STK32A: variants seen among roughly 807,000 people sequenced by gnomAD.
The protein encoded by STK32A is serine/threonine kinase 32A.
In STK32A, 41 loss-of-function variants were observed where a neutral mutation model predicts 53.2. That is an observed-to-expected ratio of 0.77 (90% CI 0.60 to 1.00). The LOEUF (loss-of-function observed/expected upper bound fraction) is 1.00. STK32A is among the 50% of genes least tolerant of loss of function. The pLI is 0.00. For missense variants in STK32A, 458 were observed against 485.8 expected (o/e 0.94, Z 0.54); for synonymous variants, 166 against 162.8 (o/e 1.02, Z -0.15).
chr5:147,275,246 A>T (rs180772705), intron 2 of STK32A, among the ~76,000 whole-genome samples: 8 of 152,100 alleles, frequency 5.3e-5, no homozygotes, highest in South Asian at 2.1e-4. Context: ...TGCATTTTCA[A>T]GTTAGTCTTC....
chr5:147,264,860 T>C (rs1012291855), intron 2 of STK32A, among the ~76,000 whole-genome samples: 7 of 152,138 alleles, frequency 4.6e-5, no homozygotes, highest in Admixed American at 6.6e-5. Flanking sequence ...AAGTAGATCA[T>C]AGGACTGCCA....
intron 1 of STK32A, among the ~76,000 whole-genome samples, chr5:147,236,819 G>A (rs1218672263): frequency 1.3e-5 from 2 of 152,056 alleles, no homozygotes; most frequent in Non-Finnish European, 2.9e-5. Context: ...TTTCTGATTC[G>A]ACAACTTGCA....
In STK32A at chr5:147,272,356, C is replaced by T. The variant is rs1309374232; in HGVS notation, c.53-5768C>T. Among the ~76,000 whole-genome samples, 11 of 152,292 alleles carry T rather than the reference C, an allele frequency of 7.2e-5. No homozygotes were observed. The East Asian group carries it at 7.7e-4, about 11-fold the overall frequency. ...CCTCCCAAAGTGCTGGGATTACAGG[C>T]GTTAGCCACTGCACTCAGCAATCAC... On this transcript the variant is annotated intron_variant, in intron 2 of 12. Coordinates refer to ENST00000397936, the MANE Select transcript of STK32A (RefSeq NM_001112724.2).
At chr5:147,394,637 G>A in the STK32A span, among the ~76,000 whole-genome samples, 1 of 151,588 alleles carries the variant, frequency 6.6e-6, no homozygotes, top group African/African-American at 2.4e-5. Context: ...TCAGAAAGGA[G>A]CCTCTAAAAG....
chr5:147,297,709 T>C (rs1752930740), intron 4 of STK32A, among the ~76,000 whole-genome samples: 1 of 152,102 alleles, frequency 6.6e-6, no homozygotes. Flanking sequence ...GTGACTTAAA[T>C]GTGCTGGCTT....
chr5:147,343,350 A>G (rs1390802894), intron 6 of STK32A: 2 of 490,182 alleles, frequency 4.1e-6, no homozygotes, highest in Non-Finnish European at 7.6e-6. Flanking sequence ...CCTTAATATA[A>G]CACGCAATCA....
downstream of STK32A, chr5:147,387,940 A>T (rs1002051797): frequency 6.6e-6 from 1 of 152,296 alleles, no homozygotes; most frequent in African/African-American, 2.4e-5. Flanking sequence ...CGGGTGCCCA[A>T]AGTAACCCGT....
chr5:147,362,283 A>G (rs1405972173), intron 8 of STK32A, among the ~76,000 whole-genome samples: 2 of 152,224 alleles, frequency 1.3e-5, no homozygotes, highest in Non-Finnish European at 2.9e-5. Flanking sequence ...TAAATAACAG[A>G]CATCTATTTT....
intron 4 of STK32A, among the ~76,000 whole-genome samples, chr5:147,322,429 T>C (rs957988661): frequency 6.6e-6 from 1 of 152,224 alleles, no homozygotes; most frequent in South Asian, 2.1e-4. Flanking sequence ...ATTTCTTTTT[T>C]TTCTGGTGTT....
chr5:147,372,540 A>G (rs762203414), intron 9 of STK32A, among the ~76,000 whole-genome samples: 1 of 152,024 alleles, frequency 6.6e-6, no homozygotes, highest in Non-Finnish European at 1.5e-5. Context: ...TGTCATCTTC[A>G]GAAGCATTCT....
the STK32A span, chr5:147,397,948 G>A: frequency 5.6e-6 from 7 of 1,250,480 alleles, no homozygotes; most frequent in East Asian, 1.8e-4. Flanking sequence ...GATTCACCAG[G>A]TAAGCCAGGA....
intron 11 of STK32A, chr5:147,383,121 G>C (rs1757517048): frequency 1.2e-5 from 4 of 340,628 alleles, no homozygotes; most frequent in Non-Finnish European, 2.1e-5. Flanking sequence ...AGCTTAAGTT[G>C]GTCATAATTA....
chr5:147,359,636 T>TTG (rs1267993612), intron 7 of STK32A, among the ~76,000 whole-genome samples: 7 of 152,166 alleles, frequency 4.6e-5, no homozygotes, highest in Admixed American at 6.5e-5. Context: ...CTGATATGAC[T>TTG]TGTTGTGAGA....
chr5:147,240,938 G>A (rs1380719274), intron 2 of STK32A, among the ~76,000 whole-genome samples: 1 of 152,114 alleles, frequency 6.6e-6, no homozygotes, highest in Non-Finnish European at 1.5e-5. Context: ...GAGAGGTTAT[G>A]CCCACTTATT....
chr5:147,251,387 C>T (rs749676535), intron 2 of STK32A, among the ~76,000 whole-genome samples: 3 of 152,094 alleles, frequency 2.0e-5, no homozygotes, highest in Admixed American at 6.5e-5. Flanking sequence ...CAGAGATTGT[C>T]GAACAACCAT....
chr5:147,328,511 T>C (rs1754710284), intron 5 of STK32A, among the ~76,000 whole-genome samples: 1 of 152,218 alleles, frequency 6.6e-6, no homozygotes, highest in African/African-American at 2.4e-5. Context: ...TAAGTTTGAA[T>C]TGTGCAATTA....
chr5:147,254,824 T>A (rs1202520508), intron 2 of STK32A, among the ~76,000 whole-genome samples: 2 of 152,078 alleles, frequency 1.3e-5, no homozygotes, highest in African/African-American at 4.8e-5. Context: ...AAAAGGTTGC[T>A]TTATGAGGAA....
Position 147,384,138 on chromosome 5 carries a change from G to A in STK32A, c.*155G>A. 1 of 1,473,128 alleles carries A rather than the reference G, an allele frequency of 6.8e-7. No homozygotes were observed. The highest frequency in any genetic ancestry group is 8.9e-7 in the Non-Finnish European group (1 of 1,125,512). The allele number at this position is 1,473,128 out of a possible 1,614,324, so 91.3% of individuals were successfully genotyped here. A position where few individuals can be genotyped will look rare whatever the true frequency, so the allele number is the denominator to read the frequency against. ...AAAAAGGCAGCACAACACAGTGAAG[G>A]GTCCTGGGCCTGAGCTCCTGGGATG... On this transcript the variant is annotated 3_prime_UTR_variant, in exon 13 of 13. Coordinates refer to ENST00000397936, the MANE Select transcript of STK32A (RefSeq NM_001112724.2).
chr5:147,378,778 T>C (rs948963167), intron 11 of STK32A, among the ~76,000 whole-genome samples: 1 of 150,436 alleles, frequency 6.6e-6, no homozygotes, highest in Admixed American at 6.7e-5. Flanking sequence ...CTGTTTTGGT[T>C]ACTGTAGCTT....
Sources: gnomAD v4.1 joint callset for allele counts (sites outside exome capture counted in the v4.1 genomes callset) on GRCh38, gnomAD v4.1.1 for gene constraint, MANE v1.5 for transcripts, NCBI Gene and HGNC (gene_info 2026-07-23, HGNC 2026-07-21) for gene names.